Variants in GALNT5 observed in about 807,000 individuals in gnomAD.
The protein encoded by GALNT5 is polypeptide N-acetylgalactosaminyltransferase 5.
GALNT5 carries 72 observed loss-of-function variants against 85.4 expected under a neutral mutation model. That is an observed-to-expected ratio of 0.84 (90% confidence interval 0.70 to 1.03). The LOEUF is 1.03. GALNT5 is among the 50% of genes least tolerant of loss of function. GALNT5 has a pLI of 0.00. For synonymous variants in GALNT5, 404 were observed against 397.0 expected (o/e 1.02, Z -0.21); for missense variants, 1,137 against 1,135.5 (o/e 1.00, Z -0.02).
chr2:157,288,044 C>A (rs548804203), intron 3 of GALNT5, among the ~76,000 whole-genome samples: 6 of 152,304 alleles, frequency 3.9e-5, no homozygotes, highest in Non-Finnish European at 7.3e-5. Context: ...CAGAGTCCGT[C>A]CTCTTATCAA....
chr2:157,306,819 A>C (rs1683464067), intron 8 of GALNT5, among the ~76,000 whole-genome samples: 1 of 152,208 alleles, frequency 6.6e-6, no homozygotes, highest in Non-Finnish European at 1.5e-5. Flanking sequence ...TTAGCTGTGA[A>C]TTGTAAACCT....
At chr2:157,268,004 A>G (rs1368029888) in intron 1 of GALNT5, among the ~76,000 whole-genome samples, 1 of 152,182 alleles carries the variant, frequency 6.6e-6, no homozygotes, top group African/African-American at 2.4e-5. Flanking sequence ...CTGTGTGCTC[A>G]ATTCTCCTCC....
intron 3 of GALNT5, among the ~76,000 whole-genome samples, chr2:157,292,124 A>G (rs1683113650): frequency 6.6e-6 from 1 of 152,206 alleles, no homozygotes; most frequent in Admixed American, 6.5e-5. Flanking sequence ...AAATATCTTC[A>G]TAGGGCAAAG....
At chr2:157,266,261 G>A (rs1682456905) in intron 1 of GALNT5, among the ~76,000 whole-genome samples, 1 of 152,150 alleles carries the variant, frequency 6.6e-6, no homozygotes, top group South Asian at 2.1e-4. Context: ...GATGAGGGGG[G>A]AAAAAAGAGC....
intron 1 of GALNT5, among the ~76,000 whole-genome samples, chr2:157,260,633 C>A (rs1682316977): frequency 6.6e-6 from 1 of 152,184 alleles, no homozygotes. Flanking sequence ...GGCATGTAAA[C>A]AATGGCCTTG....
intron 1 of GALNT5, among the ~76,000 whole-genome samples, chr2:157,267,572 T>A (rs1045513807): frequency 6.6e-6 from 1 of 152,090 alleles, no homozygotes; most frequent in African/African-American, 2.4e-5. Context: ...AGACAGAACA[T>A]CCCCACCTAG....
Position 157,317,301 on chromosome 2 carries a change from G to C in GALNT5, c.*5953G>C, listed in dbSNP as rs563018581. On this transcript the variant is annotated 3_prime_UTR_variant, in exon 10 of 10. Coordinates refer to ENST00000259056, the MANE Select transcript of GALNT5 (RefSeq NM_014568.3). Reference sequence around the variant, plus strand: ...TTTTAGATATTTTTAACTCTTTCAGGTGTATAGCTTTGTCTGCATCTGGCC... The same window carrying C: ...TTTTAGATATTTTTAACTCTTTCAGCTGTATAGCTTTGTCTGCATCTGGCC... 5.3e-4 allele frequency among the ~76,000 whole-genome samples: 80 copies of C among 151,402 alleles called. No individual in the cohort carries two copies. Among genetic ancestry groups the C allele is most frequent in the African/African-American group, 1.9e-3 (78 of 41,316 alleles).
intron 1 of GALNT5, among the ~76,000 whole-genome samples, chr2:157,277,351 C>T (rs1470967772): frequency 6.6e-6 from 1 of 152,112 alleles, no homozygotes; most frequent in Non-Finnish European, 1.5e-5. Flanking sequence ...TGGTGCAGAG[C>T]TGAGTTCAAG....
Position 157,258,289 on chromosome 2 carries a change from C to T in GALNT5, c.207C>T (p.Ser69=). Residue 69 remains serine (S), a synonymous_variant, in exon 1 of 10, where the codon AGC becomes AGT. Transcript: ENST00000259056. ...CAGACCAAGGAAAAATTTTTTACAG[C>T]AGCATAAAAGAGATGAAACCTCCCC... The part of the protein sequence containing the change: ...VQPDQGKIFY[S]SIKEMKPPLR... 1.3e-6 allele frequency: 2 copies of T among 1,599,458 alleles called. No homozygotes were observed. The highest frequency in any genetic ancestry group is 1.7e-6 in the Non-Finnish European group (2 of 1,174,472).
chr2:157,258,384 T>G lies in GALNT5; in HGVS notation c.302T>G (p.Val101Gly). ...AAAACTGAGGAGAGTGTGCTCAAGGTTGAGGTGGACTTGGACCAAACCCAG... is the reference window on the plus strand; with the variant it reads ...AAAACTGAGGAGAGTGTGCTCAAGGGTGAGGTGGACTTGGACCAAACCCAG... ...VRKTEESVLK[V>G]EVDLDQTQRE... is the part of the protein sequence containing the mutation. The change falls in exon 1 of 10, where the codon GTT becomes GGT. Residue 101 changes from valine to glycine, a missense_variant. Transcript: ENST00000259056. 1 of 1,611,034 alleles carries G rather than the reference T, an allele frequency of 6.2e-7. No homozygotes were observed. Among genetic ancestry groups the G allele is most frequent in the East Asian group, 2.2e-5 (1 of 44,798 alleles).
chr2:157,295,905 CAT>C (rs1255394258), intron 4 of GALNT5, 107 bp downstream of exon 4: 2 of 771,962 alleles, frequency 2.6e-6, no homozygotes, highest in Non-Finnish European at 4.2e-6. Flanking sequence ...AAATCCAAGA[CAT>C]ATACAGTTTA....
rs534629809 is a variant in GALNT5, at chr2:157,291,899, C to T, written c.1742-3764C>T. Among the ~76,000 whole-genome samples the T allele has an allele frequency of 4.3e-4, 65 of 151,850 alleles. 1 individual carries two copies. Among genetic ancestry groups the T allele is most frequent in the Middle Eastern group, 3.4e-3 (1 of 294 alleles). Reference sequence around the variant, plus strand: ...CTATCAGAGAGGATTTTGAATGTTCCCAATACAGATAAATGATAAATGTTT... The same window carrying T: ...CTATCAGAGAGGATTTTGAATGTTCTCAATACAGATAAATGATAAATGTTT... On this transcript the variant is annotated intron_variant, in intron 3 of 9. Coordinates refer to ENST00000259056, the MANE Select transcript of GALNT5 (RefSeq NM_014568.3).
chr2:157,302,520 TAAC>T lies in GALNT5; in HGVS notation c.2439+1526_2439+1528del, dbSNP rs1227777904. ...TTTGGATTTATATACACTGTTCAAA[TAAC>T]AACATGTCAAATATAACTGTAAAAT... On this transcript the variant is annotated intron_variant, in intron 7 of 9. Transcript: ENST00000259056. 2.7e-5 allele frequency: 4 copies of T among 150,836 alleles called. No homozygotes were observed. The East Asian group carries it at 7.8e-4, about 29-fold the overall frequency. 9.3% of individuals were successfully genotyped at this position (150,836 alleles called of 1,614,324 possible). A position where few individuals can be genotyped will look rare whatever the true frequency, so the allele number is the denominator to read the frequency against.
chr2:157,262,711 A>C (rs1682371631), intron 1 of GALNT5, among the ~76,000 whole-genome samples: 1 of 149,720 alleles, frequency 6.7e-6, no homozygotes. Flanking sequence ...AACTTCTCTT[A>C]CTCTAGTTCT....
intron 3 of GALNT5, among the ~76,000 whole-genome samples, chr2:157,292,982 G>A (rs1558899665): frequency 2.0e-5 from 3 of 152,100 alleles, no homozygotes; most frequent in East Asian, 1.9e-4. Flanking sequence ...GATTATAGGC[G>A]TGAGCCACCA....
chr2:157,307,260 G>C (rs1339301907), intron 8 of GALNT5, among the ~76,000 whole-genome samples: 1 of 152,040 alleles, frequency 6.6e-6, no homozygotes, highest in Non-Finnish European at 1.5e-5. Context: ...GAAATGTGGA[G>C]GAAGTTAACT....
chr2:157,310,538 G>A (rs1327062913), intron 9 of GALNT5, among the ~76,000 whole-genome samples: 2 of 152,096 alleles, frequency 1.3e-5, no homozygotes, highest in Non-Finnish European at 2.9e-5. Context: ...AAAACAACAT[G>A]TGTAATTAAG....
chr2:157,276,000 A>G (rs565207514), intron 1 of GALNT5, among the ~76,000 whole-genome samples: 3 of 152,090 alleles, frequency 2.0e-5, no homozygotes, highest in Non-Finnish European at 4.4e-5. Context: ...GTTCCATCAA[A>G]GCCTAGTTTA....
intron 8 of GALNT5, among the ~76,000 whole-genome samples, chr2:157,306,208 T>C (rs1219036389): frequency 6.6e-6 from 1 of 152,204 alleles, no homozygotes; most frequent in Non-Finnish European, 1.5e-5. Context: ...GCTCTGTAAA[T>C]GTTTGCTGTA....
Sources: gnomAD v4.1 joint callset for allele counts (sites outside exome capture counted in the v4.1 genomes callset) on GRCh38, gnomAD v4.1.1 for gene constraint, MANE v1.5 for transcripts, NCBI Gene and HGNC (gene_info 2026-07-23, HGNC 2026-07-21) for gene names.